ORC5: variants seen among roughly 807,000 people sequenced by gnomAD.
ORC5 encodes protein phosphatase 1, regulatory subunit 117.
Under a neutral mutation model 58.8 loss-of-function variants are expected in ORC5, and 39 were observed. That is an observed-to-expected ratio of 0.66 (90% CI 0.51 to 0.87). The LOEUF (loss-of-function observed/expected upper bound fraction) is 0.87. ORC5 is among the 40% of genes least tolerant of loss of function. ORC5 has a pLI of 0.00. For missense variants in ORC5, 493 were observed against 506.3 expected (o/e 0.97, Z 0.25); for synonymous variants, 218 against 177.6 (o/e 1.23, Z -1.81).
At chr7:104,183,502 C>T (rs994709292) in intron 8 of ORC5, among the ~76,000 whole-genome samples, 13 of 152,098 alleles carry the variant, frequency 8.5e-5, no homozygotes, top group African/African-American at 3.1e-4. Context: ...TCCTGACAAA[C>T]AGAGCCAAGA....
At chr7:104,201,673 A>G (rs1170223052) in intron 2 of ORC5, among the ~76,000 whole-genome samples, 2 of 151,818 alleles carry the variant, frequency 1.3e-5, no homozygotes, top group Non-Finnish European at 2.9e-5. Context: ...TTTGAATGTT[A>G]AAAATCTTAA....
chr7:104,173,927 C>A (rs1353919281), intron 8 of ORC5, among the ~76,000 whole-genome samples: 2 of 144,890 alleles, frequency 1.4e-5, no homozygotes, highest in Non-Finnish European at 3.0e-5. Flanking sequence ...TCACTGCAAG[C>A]TCCGCCTCCC....
At chr7:104,132,923 CAGTT>C (rs1185821679) in intron 13 of ORC5, among the ~76,000 whole-genome samples, 2 of 151,750 alleles carry the variant, frequency 1.3e-5, no homozygotes, top group Non-Finnish European at 2.9e-5. Context: ...GGTTATGTAG[CAGTT>C]AGCTAGGTGA....
intron 2 of ORC5, chr7:104,202,475 G>A: frequency 2.2e-6 from 1 of 454,452 alleles, no homozygotes; most frequent in Middle Eastern, 3.3e-4. Context: ...TATGAATAGT[G>A]TCTTGCTTAC....
rs777168748 is a variant in ORC5, at chr7:104,207,899, G to C, written c.6C>G (p.Pro2=). M[P]HLENVVLCRE... ...GACAAAGCACCACGTTTTCCAAGTG[G>C]GGCATTCTGGCAGGCACCACCGCAG... The change falls in exon 1 of 14, where the codon CCC becomes CCG. Residue 2 remains proline (P), a synonymous_variant. Transcript: ENST00000297431. 1.2e-6 allele frequency: 2 copies of C among 1,614,096 alleles called. No homozygotes were observed. The highest frequency in any genetic ancestry group is 2.2e-5 in the East Asian group (1 of 44,874).
At chr7:104,154,184 C>G (rs920211492) in intron 12 of ORC5, among the ~76,000 whole-genome samples, 1 of 152,032 alleles carries the variant, frequency 6.6e-6, no homozygotes, top group African/African-American at 2.4e-5. Flanking sequence ...TTCTCCATAA[C>G]TTAAGTTCCA....
chr7:104,183,102 T>C (rs1799469681), intron 8 of ORC5, among the ~76,000 whole-genome samples: 1 of 152,124 alleles, frequency 6.6e-6, no homozygotes, highest in Admixed American at 6.5e-5. Flanking sequence ...GCCATTGCAC[T>C]CCAGCCTGGG....
intron 8 of ORC5, among the ~76,000 whole-genome samples, chr7:104,177,033 A>G (rs1446384807): frequency 6.6e-6 from 1 of 152,230 alleles, no homozygotes; most frequent in African/African-American, 2.4e-5. Context: ...TCAGCAAAAT[A>G]CCCACAACTT....
chr7:104,193,398 C>G (rs1430826242), intron 5 of ORC5, among the ~76,000 whole-genome samples: 1 of 151,970 alleles, frequency 6.6e-6, no homozygotes, highest in Non-Finnish European at 1.5e-5. Context: ...GACACAATAA[C>G]TAAACCAAAA....
intron 12 of ORC5, among the ~76,000 whole-genome samples, chr7:104,157,506 A>C (rs991268990): frequency 3.3e-5 from 5 of 152,096 alleles, no homozygotes; most frequent in African/African-American, 1.2e-4. Context: ...GTTTGAAAAA[A>C]ATTTAACTTC....
At chr7:104,193,525 C>A (rs190632906) in intron 5 of ORC5, among the ~76,000 whole-genome samples, 1 of 152,038 alleles carries the variant, frequency 6.6e-6, no homozygotes, top group Non-Finnish European at 1.5e-5. Flanking sequence ...CTAGCCATAA[C>A]TGCTAAGAGG....
Position 104,184,123 on chromosome 7 carries a change from C to A in ORC5, c.733G>T (p.Ala245Ser), listed in dbSNP as rs1799492342. The change falls in exon 7 of 14, where the codon GCA becomes TCA. Residue 245 changes from alanine to serine, a missense_variant and splice_region_variant. This residue lies in a region of ORC5 where 412 missense variants were observed against 403.7 expected (regional missense o/e 1.02). Coordinates refer to ENST00000297431, the MANE Select transcript of ORC5 (RefSeq NM_002553.4). ...TTAATGAGTAAAATTACACAGTTACCTTCTCCTTTAACCACGGGTTCACAA... is the reference window on the plus strand; with the variant it reads ...TTAATGAGTAAAATTACACAGTTACATTCTCCTTTAACCACGGGTTCACAA... The part of the protein sequence containing the change: ...KYCEPVVKGE[A>S]SERDTRKLWR... 1.3e-6 allele frequency: 2 copies of A among 1,591,454 alleles called. No individual in the cohort carries two copies. Among genetic ancestry groups the A allele is most frequent in the East Asian group, 4.5e-5 (2 of 44,660 alleles).
chr7:104,145,415 G>T (rs887790769), intron 12 of ORC5, among the ~76,000 whole-genome samples: 1 of 152,024 alleles, frequency 6.6e-6, no homozygotes, highest in Non-Finnish European at 1.5e-5. Flanking sequence ...GACTTAGAAG[G>T]ATTTAATCTC....
Position 104,135,758 on chromosome 7 carries a change from G to T in ORC5, c.1262+1023C>A, listed in dbSNP as rs183051836. Among the ~76,000 whole-genome samples, 8 of 152,224 alleles carry T rather than the reference G, an allele frequency of 5.3e-5. No individual in the cohort carries two copies. In the East Asian group the frequency reaches 1.5e-3, roughly 29 times the overall value. On this transcript the variant is annotated intron_variant, in intron 13 of 13. Transcript: ENST00000297431. The stretch of plus-strand genomic sequence containing the variant: ...ATACTGATATCAAGCACTGTTTTAG[G>T]CTGAACAAAATAATGTCTCATGCCT...
intron 13 of ORC5, among the ~76,000 whole-genome samples, chr7:104,132,745 A>G (rs772380635): frequency 6.6e-6 from 1 of 152,214 alleles, no homozygotes; most frequent in Non-Finnish European, 1.5e-5. Flanking sequence ...AGAAAGAAAG[A>G]TGAACTCTAA....
At chr7:104,156,359 A>G (rs902773053) in intron 12 of ORC5, among the ~76,000 whole-genome samples, 1 of 151,830 alleles carries the variant, frequency 6.6e-6, no homozygotes, top group Non-Finnish European at 1.5e-5. Flanking sequence ...TAATGAATAG[A>G]ATTTTATTTA....
At chr7:104,182,942 C>T (rs1799465699) in intron 8 of ORC5, among the ~76,000 whole-genome samples, 1 of 152,072 alleles carries the variant, frequency 6.6e-6, no homozygotes, top group Non-Finnish European at 1.5e-5. Flanking sequence ...CGAGACCAGC[C>T]TGGCCAACAT....
intron 12 of ORC5, among the ~76,000 whole-genome samples, chr7:104,151,348 A>G (rs78276361): frequency 0.044 from 6,733 of 152,194 alleles, 478 homozygotes; most frequent in African/African-American, 0.15. Context: ...TAAGGAAGCT[A>G]CTGATTTAAG....
intron 1 of ORC5, among the ~76,000 whole-genome samples, chr7:104,206,171 T>G (rs1334081632): frequency 2.0e-5 from 3 of 152,240 alleles, no homozygotes; most frequent in Non-Finnish European, 1.5e-5. Flanking sequence ...TTCACCTTCA[T>G]AAATCTCGCT....
Sources: allele counts gnomAD v4.1 joint callset (sites outside exome capture counted in the v4.1 genomes callset), GRCh38; gene constraint gnomAD v4.1.1; regional missense constraint gnomAD v4.1.1; transcripts MANE v1.5; gene names NCBI Gene and HGNC (gene_info 2026-07-23, HGNC 2026-07-21).